AMN1: variants seen among roughly 807,000 people sequenced by gnomAD.
The protein encoded by AMN1 is antagonist of mitotic exit network 1 homolog, also known as protein AMN1 homolog.
AMN1 carries 20 observed loss-of-function variants against 33.0 expected under a neutral mutation model. The ratio of observed to expected loss-of-function variants is 0.61; its 90% CI spans 0.43 to 0.88. AMN1 has a LOEUF of 0.88. Ranked by LOEUF, AMN1 falls within the 40% of genes least tolerant of loss-of-function variation. The pLI, the probability that AMN1 is intolerant of heterozygous loss-of-function variation, is 0.00. For synonymous variants in AMN1, 114 were observed against 111.9 expected (o/e 1.02, Z -0.12); for missense variants, 246 against 307.4 (o/e 0.80, Z 1.49).
At chr12:31,694,583 C>T (rs1036343164) in intron 5 of AMN1, among the ~76,000 whole-genome samples, 5 of 151,582 alleles carry the variant, frequency 3.3e-5, no homozygotes, top group African/African-American at 7.3e-5. Context: ...CCCATCTCTA[C>T]AAAAAATAAA....
intron 1 of AMN1, among the ~76,000 whole-genome samples, chr12:31,717,894 CCA>C (rs994882003): frequency 5.8e-4 from 88 of 152,158 alleles, no homozygotes; most frequent in African/African-American, 1.8e-3. Flanking sequence ...CCGACAGGCC[CCA>C]GTGTGTGATG....
In AMN1 at chr12:31,718,962, C is replaced by T. The variant is rs541818381; in HGVS notation, c.39-9537G>A. 4.4e-3 allele frequency among the ~76,000 whole-genome samples: 673 copies of T among 152,368 alleles called. 1 individual carries two copies. The highest frequency in any genetic ancestry group is 7.8e-3 in the Non-Finnish European group (533 of 68,038). On this transcript the variant is annotated intron_variant, in intron 1 of 6. Transcript: ENST00000281471. ...CGATCTCAGACTGCTGCGCTAGCAG[C>T]GAGCAAGGCTCCGTGGGTATGGGAC...
intron 1 of AMN1, among the ~76,000 whole-genome samples, chr12:31,709,802 C>G (rs1047979801): frequency 6.6e-5 from 10 of 152,088 alleles, no homozygotes; most frequent in African/African-American, 2.2e-4. Context: ...ACGCTCCAGC[C>G]TGGGCAACAG....
intron 5 of AMN1, among the ~76,000 whole-genome samples, chr12:31,694,179 C>T (rs1449712766): frequency 6.6e-6 from 1 of 150,600 alleles, no homozygotes; most frequent in African/African-American, 2.4e-5. Context: ...CGGTGGCTCA[C>T]ACCTGTAATC....
intron 6 of AMN1, among the ~76,000 whole-genome samples, chr12:31,686,604 C>T (rs1415692777): frequency 1.3e-5 from 2 of 152,150 alleles, no homozygotes; most frequent in Admixed American, 1.3e-4. Context: ...CTTAGCCTAG[C>T]CTACATGCTC....
chr12:31,671,670 C>T lies in AMN1; in HGVS notation c.*634G>A, dbSNP rs1951274458. 1 of 152,090 alleles carries T rather than the reference C, an allele frequency of 6.6e-6. No individual in the cohort carries two copies. Among genetic ancestry groups the T allele is most frequent in the Non-Finnish European group, 1.5e-5 (1 of 68,016 alleles). 9.4% of individuals were successfully genotyped at this position (152,090 alleles called of 1,614,324 possible). A position where few individuals can be genotyped will look rare whatever the true frequency, so the allele number is the denominator to read the frequency against. On this transcript the variant is annotated 3_prime_UTR_variant, in exon 7 of 7. Transcript: ENST00000281471. ...AAGCTTACAGATGCATAAAATGTAA[C>T]TGGGAAGAGTAGCCATAAAAATCAA...
chr12:31,724,721 C>A (rs1939999570), intron 1 of AMN1, among the ~76,000 whole-genome samples: 1 of 152,220 alleles, frequency 6.6e-6, no homozygotes, highest in African/African-American at 2.4e-5. Context: ...TCTCTTTCAT[C>A]TTAGCCCTTT....
chr12:31,724,468 G>T (rs971338318), intron 1 of AMN1, among the ~76,000 whole-genome samples: 3 of 152,104 alleles, frequency 2.0e-5, no homozygotes, highest in African/African-American at 7.2e-5. Context: ...ATTTCATCAT[G>T]CTACTCAAAA....
Position 31,723,563 on chromosome 12 carries a change from G to C in AMN1, c.38+5408C>G, listed in dbSNP as rs376357904. Among the ~76,000 whole-genome samples, 4 of 152,252 alleles carry C rather than the reference G, an allele frequency of 2.6e-5. No individual in the cohort carries two copies. The South Asian group carries it at 8.3e-4, about 32-fold the overall frequency. On this transcript the variant is annotated intron_variant, in intron 1 of 6. Coordinates refer to ENST00000281471, the MANE Select transcript of AMN1 (RefSeq NM_001113402.2). ...CTGACCTCGTGATCCACCCGCCTCG[G>C]CCTCCCAAAGCAGACCACTTTCACT...
Position 31,683,001 on chromosome 12 carries a change from C to T in AMN1, c.703+6006G>A, listed in dbSNP as rs1393093573. On this transcript the variant is annotated intron_variant, in intron 6 of 6. Coordinates refer to ENST00000281471, the MANE Select transcript of AMN1 (RefSeq NM_001113402.2). This position sits in a 1 kb window ranked among gnomAD's most constrained non-coding sequence, Gnocchi z 4.1. The stretch of plus-strand genomic sequence containing the variant: ...TTTTTGAGACAGTGTCTCACCTTGT[C>T]ACTCAGGCTGGAGTGCAGTGGCACA... 7.1e-6 allele frequency among the ~76,000 whole-genome samples: 1 copy of T among 141,830 alleles called. No homozygotes were observed. Among genetic ancestry groups the T allele is most frequent in the Non-Finnish European group, 1.5e-5 (1 of 66,558 alleles). The allele number at this position is 141,830 out of a possible 152,430, so 93.0% of individuals were successfully genotyped here.
chr12:31,674,955 GA>G (rs1321727182), intron 6 of AMN1, among the ~76,000 whole-genome samples: 2 of 151,308 alleles, frequency 1.3e-5, no homozygotes, highest in Non-Finnish European at 2.9e-5. Flanking sequence ...CCAGGAGGCA[GA>G]GATTGCAGTG....
chr12:31,725,027 G>A (rs1034880443), intron 1 of AMN1, among the ~76,000 whole-genome samples: 3 of 152,106 alleles, frequency 2.0e-5, no homozygotes. Context: ...GGAATGTTAG[G>A]CAAGAGTATA....
chr12:31,686,692 CAT>C lies in AMN1; in HGVS notation c.703+2313_703+2314del, dbSNP rs1938277827. Among the ~76,000 whole-genome samples the C allele has an allele frequency of 1.3e-5, 2 of 152,140 alleles. 1 individual carries two copies. The highest frequency in any genetic ancestry group is 4.1e-4 in the South Asian group (2 of 4,826). On this transcript the variant is annotated intron_variant, in intron 6 of 6. Transcript: ENST00000281471. The stretch of plus-strand genomic sequence containing the variant: ...TTTTTTAATAAAGTGTTGACTGTCT[CAT>C]GTAATCTATTGAATATTATACTGAA...
At chr12:31,707,713 A>G (rs1356630866) in intron 2 of AMN1, among the ~76,000 whole-genome samples, 1 of 152,168 alleles carries the variant, frequency 6.6e-6, no homozygotes, top group African/African-American at 2.4e-5. Context: ...AAAACCACCA[A>G]TAAACCTTTT....
intron 5 of AMN1, among the ~76,000 whole-genome samples, chr12:31,693,553 T>C (rs1287174636): frequency 6.6e-6 from 1 of 151,582 alleles, no homozygotes; most frequent in South Asian, 2.1e-4. Context: ...TTTTTTCTTT[T>C]TTTTTTTAGA....
intron 1 of AMN1, among the ~76,000 whole-genome samples, chr12:31,711,404 A>G (rs1939461647): frequency 6.6e-6 from 1 of 152,188 alleles, no homozygotes; most frequent in African/African-American, 2.4e-5. Flanking sequence ...CACTGTTTTC[A>G]AGATCACCTA....
chr12:31,715,604 C>A, intron 1 of AMN1: 1 of 157,936 alleles, frequency 6.3e-6, no homozygotes. Context: ...GGGCTTGTGT[C>A]TTTCTTCTGA....
intron 6 of AMN1, among the ~76,000 whole-genome samples, chr12:31,678,434 T>C (rs1036603634): frequency 2.0e-5 from 3 of 151,650 alleles, no homozygotes; most frequent in Non-Finnish European, 2.9e-5. Context: ...TCTCACCCTG[T>C]CGCCTAGGCT....
rs1019725650 is a variant in AMN1 at position 31,728,963 on chromosome 12, A to G, written c.38+8T>C. On this transcript the variant is annotated splice_region_variant and intron_variant, in intron 1 of 6. Transcript: ENST00000281471. ...GGCGCGAAGGGAGGCGGGACAGGGT[A>G]GACTCACAGATCCAGGAGCTGACTG... The G allele has an allele frequency of 1.3e-6, 2 of 1,546,104 alleles. No homozygotes were observed. Among genetic ancestry groups the G allele is most frequent in the Non-Finnish European group, 1.7e-6 (2 of 1,143,728 alleles).
Sources: gnomAD v4.1 joint callset for allele counts (sites outside exome capture counted in the v4.1 genomes callset) on GRCh38, gnomAD v4.1.1 for gene constraint, Gnocchi (gnomAD v3.1) non-coding constraint, MANE v1.5 for transcripts, NCBI Gene and HGNC (gene_info 2026-07-23, HGNC 2026-07-21) for gene names.